The following FAM20C variants were observed in gnomAD, a reference collection of about 807,000 sequenced individuals.
FAM20C encodes extracellular serine/threonine protein kinase FAM20C.
In FAM20C, 40 loss-of-function variants were observed where a neutral mutation model predicts 51.5. The observed-to-expected ratio is 0.78, with a 90% CI of 0.60 to 1.01. The LOEUF (loss-of-function observed/expected upper bound fraction) is 1.01. FAM20C is among the 50% of genes least tolerant of loss of function. The probability of loss-of-function intolerance (pLI) is 0.00; values close to 1 mark genes in which losing one functional copy is unlikely to be tolerated. For missense variants in FAM20C, 861 were observed against 844.7 expected (o/e 1.02, Z -0.24); for synonymous variants, 406 against 380.6 (o/e 1.07, Z -0.78).
At chr7:235,688 G>C (rs894809244) in intron 3 of FAM20C, among the ~76,000 whole-genome samples, 35 of 152,168 alleles carry the variant, frequency 2.3e-4, no homozygotes, top group African/African-American at 8.5e-4. Flanking sequence ...TGGAGCAGCC[G>C]GTCAGCTCAG....
At chr7:200,888 C>T (rs1191948774) in intron 2 of FAM20C, among the ~76,000 whole-genome samples, 1 of 152,134 alleles carries the variant, frequency 6.6e-6, no homozygotes, top group Non-Finnish European at 1.5e-5. Context: ...CAGTAGGTTC[C>T]CACAGTTCTA....
intron 3 of FAM20C, among the ~76,000 whole-genome samples, chr7:230,831 G>A (rs1481676848): frequency 6.7e-6 from 1 of 150,370 alleles, no homozygotes; most frequent in East Asian, 2.0e-4. Flanking sequence ...TTAATGAAGG[G>A]AAGAGTCCTG....
intron 3 of FAM20C, among the ~76,000 whole-genome samples, chr7:211,632 G>A (rs1440713589): frequency 6.6e-6 from 1 of 152,126 alleles, no homozygotes; most frequent in Non-Finnish European, 1.5e-5. Context: ...GGCTGCTGAC[G>A]GATGGGCTGG....
intron 3 of FAM20C, among the ~76,000 whole-genome samples, chr7:235,470 G>A (rs1342664586): frequency 3.3e-5 from 5 of 152,180 alleles, no homozygotes; most frequent in Admixed American, 3.3e-4. Flanking sequence ...CCCCGGGCAG[G>A]TGAAGTTCTA....
intron 3 of FAM20C, among the ~76,000 whole-genome samples, chr7:209,769 T>C (rs112177882): frequency 6.6e-6 from 1 of 152,256 alleles, no homozygotes; most frequent in East Asian, 1.9e-4. Context: ...AATATGGATT[T>C]TTTTTTCCTG....
At chr7:227,469 ATG>A (rs1487682791) in intron 3 of FAM20C, 4 of 146,556 alleles carry the variant, frequency 2.7e-5, no homozygotes, top group African/African-American at 1.1e-4. Context: ...TTTCTTACTG[ATG>A]TTTTTTTTAA....
chr7:248,822 T>C (rs1180135136), intron 5 of FAM20C, among the ~76,000 whole-genome samples: 122 of 132,960 alleles, frequency 9.2e-4, no homozygotes, highest in African/African-American at 3.5e-3. Flanking sequence ...CCCGCATTCA[T>C]CTCTCCACGT....
intron 2 of FAM20C, among the ~76,000 whole-genome samples, chr7:200,690 A>G (rs1249495249): frequency 6.6e-6 from 1 of 152,238 alleles, no homozygotes; most frequent in Non-Finnish European, 1.5e-5. Flanking sequence ...AAAATCGTGG[A>G]ATAAATAACA....
chr7:252,055 G>A (rs150974839), intron 5 of FAM20C, among the ~76,000 whole-genome samples: 8,834 of 152,204 alleles, frequency 0.058, 325 homozygotes, highest in Non-Finnish European at 0.089. Context: ...CCAGGAGCCC[G>A]GATTCCTCTC....
intron 5 of FAM20C, among the ~76,000 whole-genome samples, chr7:252,458 A>G (rs1788438220): frequency 6.6e-6 from 1 of 150,816 alleles, no homozygotes; most frequent in African/African-American, 2.4e-5. Context: ...TGGAGGGCTG[A>G]GCCCACTGCA....
chr7:258,803 A>C (rs1283767050), intron 9 of FAM20C, 98 bp downstream of exon 9: 1 of 1,203,584 alleles, frequency 8.3e-7, no homozygotes, highest in Non-Finnish European at 1.1e-6. Flanking sequence ...CCCGGCCATC[A>C]CATGGGAGAG....
At chr7:258,568 A>C in intron 8 of FAM20C, 78 bp from the exon 9 acceptor site, 1 of 1,441,952 alleles carries the variant, frequency 6.9e-7, no homozygotes, top group South Asian at 1.2e-5. Context: ...AGGTGGACCC[A>C]TGGCCCAGCT....
Position 255,845 on chromosome 7 carries a change from C to G in FAM20C, c.1073-4C>G. ...CTGGTAACCCGCAGCCTGTCCCTCC[C>G]CAGCCAACAACATCTGCTTCTACGG... is the stretch of plus-strand genomic sequence containing the variant. On this transcript the variant is annotated splice_region_variant and splice_polypyrimidine_tract_variant and intron_variant, in intron 5 of 9. Coordinates refer to ENST00000313766, the MANE Select transcript of FAM20C (RefSeq NM_020223.4). The G allele has an allele frequency of 6.5e-7, 1 of 1,536,298 alleles. No homozygotes were observed. The highest frequency in any genetic ancestry group is 8.7e-7 in the Non-Finnish European group (1 of 1,146,814).
At chr7:207,656 G>A (rs113385207) in intron 2 of FAM20C, among the ~76,000 whole-genome samples, 27 of 152,378 alleles carry the variant, frequency 1.8e-4, no homozygotes, top group Non-Finnish European at 2.5e-4. Flanking sequence ...GTTCGGGCCC[G>A]TGATGTTGAC....
chr7:205,361 C>CA (rs1277086470), intron 2 of FAM20C, among the ~76,000 whole-genome samples: 1 of 150,850 alleles, frequency 6.6e-6, no homozygotes, highest in Non-Finnish European at 1.5e-5. Flanking sequence ...CGACGTCAGC[C>CA]TCTGAGTAGC....
intron 1 of FAM20C, 21 bp from the exon 2 acceptor site, chr7:195,533 C>A (rs777667550): frequency 3.3e-6 from 5 of 1,508,750 alleles, no homozygotes; most frequent in African/African-American, 1.4e-5. Context: ...TGCTGATGTT[C>A]GTCCTCGCTG....
intron 5 of FAM20C, among the ~76,000 whole-genome samples, chr7:249,229 C>CA (rs1388071410): frequency 2.9e-5 from 4 of 136,322 alleles, no homozygotes; most frequent in Admixed American, 7.1e-5. Context: ...TGGGCGGCCT[C>CA]CCCCGCCTCG....
chr7:241,528 G>A (rs1361313932), intron 3 of FAM20C, among the ~76,000 whole-genome samples: 1 of 152,054 alleles, frequency 6.6e-6, no homozygotes, highest in African/African-American at 2.4e-5. Context: ...CTCACCAAGA[G>A]GCCTCCGACA....
intron 3 of FAM20C, among the ~76,000 whole-genome samples, chr7:233,165 C>T (rs955255893): frequency 6.6e-6 from 1 of 152,226 alleles, no homozygotes; most frequent in Non-Finnish European, 1.5e-5. Flanking sequence ...GCCGCGAGAG[C>T]CATGGGGGCT....
Sources: allele counts gnomAD v4.1 joint callset (sites outside exome capture counted in the v4.1 genomes callset), GRCh38; gene constraint gnomAD v4.1.1; transcripts MANE v1.5; gene names NCBI Gene and HGNC (gene_info 2026-07-23, HGNC 2026-07-21).